SLC25A36: variants seen among roughly 807,000 people sequenced by gnomAD.
SLC25A36 encodes epididymis secretory sperm binding protein.
In SLC25A36, 24 loss-of-function variants were observed where a neutral mutation model predicts 35.3. That is an observed-to-expected ratio of 0.68 (90% CI 0.49 to 0.96). The LOEUF is 0.96. SLC25A36 is among the 40% of genes least tolerant of loss of function. The pLI is 0.00. For synonymous variants in SLC25A36, 141 were observed against 132.2 expected (o/e 1.07, Z -0.46); for missense variants, 294 against 381.1 (o/e 0.77, Z 1.90).
chr3:140,943,616 A>C (rs756300960), intron 1 of SLC25A36, among the ~76,000 whole-genome samples: 1 of 152,246 alleles, frequency 6.6e-6, no homozygotes, highest in Non-Finnish European at 1.5e-5. Context: ...AGGAGACCGC[A>C]GATGTAGTCT....
chr3:140,968,063 T>C (rs1359622717), intron 4 of SLC25A36: 1 of 985,026 alleles, frequency 1.0e-6, no homozygotes, highest in East Asian at 1.1e-4. Flanking sequence ...AAGATATGTT[T>C]AGCTTGGGCT....
chr3:140,962,864 A>C (rs1934664764), intron 3 of SLC25A36, among the ~76,000 whole-genome samples: 1 of 151,884 alleles, frequency 6.6e-6, no homozygotes, highest in Non-Finnish European at 1.5e-5. Context: ...TTAGTGAGTT[A>C]AGTGGCTGTC....
At chr3:140,969,591 A>AC (rs1934849794) in intron 4 of SLC25A36, among the ~76,000 whole-genome samples, 1 of 151,908 alleles carries the variant, frequency 6.6e-6, no homozygotes, top group African/African-American at 2.4e-5. Context: ...CAATGTTAAA[A>AC]CAGTGGGTTG....
intron 3 of SLC25A36, among the ~76,000 whole-genome samples, chr3:140,960,092 G>A (rs2107798236): frequency 6.6e-6 from 1 of 152,134 alleles, no homozygotes; most frequent in Non-Finnish European, 1.5e-5. Context: ...ACTAATATTT[G>A]CAGGATAAAT....
intron 2 of SLC25A36, among the ~76,000 whole-genome samples, chr3:140,958,209 A>G (rs34605552): frequency 0.14 from 20,878 of 152,146 alleles, 2,395 homozygotes; most frequent in African/African-American, 0.32. Context: ...TCTTAAGCAG[A>G]TAGATGTTTG....
chr3:140,946,702 G>A (rs974580108), intron 1 of SLC25A36, among the ~76,000 whole-genome samples: 1 of 152,190 alleles, frequency 6.6e-6, no homozygotes, highest in Admixed American at 6.5e-5. Flanking sequence ...CTGGAAGGGT[G>A]GAATTGCTGT....
chr3:140,958,347 T>C (rs1576481403), intron 2 of SLC25A36, among the ~76,000 whole-genome samples: 1 of 152,324 alleles, frequency 6.6e-6, no homozygotes, highest in Non-Finnish European at 1.5e-5. Context: ...TACACATGGC[T>C]CTGTTCCTTT....
intron 4 of SLC25A36, chr3:140,964,824 C>T (rs1233559646): frequency 6.6e-6 from 1 of 151,646 alleles, no homozygotes; most frequent in Non-Finnish European, 1.5e-5. Flanking sequence ...TCTTTATTTC[C>T]ACTGGAACAT....
intron 2 of SLC25A36, among the ~76,000 whole-genome samples, chr3:140,957,374 G>A (rs1934505676): frequency 1.3e-5 from 2 of 152,110 alleles, no homozygotes; most frequent in South Asian, 2.1e-4. Context: ...TTACTAAAAG[G>A]TTTCATCAGC....
intron 1 of SLC25A36, among the ~76,000 whole-genome samples, chr3:140,947,518 T>TTACA (rs1934199726): frequency 6.6e-6 from 1 of 152,180 alleles, no homozygotes; most frequent in Non-Finnish European, 1.5e-5. Flanking sequence ...CCAGTCTTGG[T>TTACA]TACACTGTGC....
intron 4 of SLC25A36, 136 bp downstream of exon 4, chr3:140,963,363 TA>T: frequency 1.7e-6 from 1 of 596,176 alleles, no homozygotes; most frequent in Non-Finnish European, 2.8e-6. Flanking sequence ...TTTATCGATA[TA>T]AACCAAATTA....
Position 140,978,221 on chromosome 3 carries a change from C to A in SLC25A36, c.*1768C>A, listed in dbSNP as rs1487930167. 1.3e-5 allele frequency: 2 copies of A among 152,138 alleles called. No individual in the cohort carries two copies. The highest frequency in any genetic ancestry group is 4.8e-5 in the African/African-American group (2 of 41,430). The allele number at this position is 152,138 out of a possible 1,614,324, so 9.4% of individuals were successfully genotyped here. ...TCAATTGGAATAAAAATATTCCAAT[C>A]TATTTGGAGACCAAAGGCAAAATCA... On this transcript the variant is annotated 3_prime_UTR_variant, in exon 7 of 7. Transcript: ENST00000324194.
intron 3 of SLC25A36, 139 bp from the exon 4 acceptor site, chr3:140,962,988 A>G: frequency 2.1e-6 from 1 of 477,016 alleles, no homozygotes; most frequent in Non-Finnish European, 3.6e-6. Flanking sequence ...TGAAAAGTGT[A>G]AATCTAATGT....
rs1935156715 is a variant in SLC25A36 at position 140,980,554 on chromosome 3, TGTG to T, written c.*4102_*4104del. On this transcript the variant is annotated 3_prime_UTR_variant, in exon 7 of 7. Coordinates refer to ENST00000324194, the MANE Select transcript of SLC25A36 (RefSeq NM_001104647.3). The stretch of plus-strand genomic sequence containing the variant: ...AAAATTGAGCACAGGTGTTCCAAGT[TGTG>T]TGTGTGTGTTTATTACTGAACATTG... Among the ~76,000 whole-genome samples the T allele has an allele frequency of 6.9e-6, 1 of 145,204 alleles. No homozygotes were observed. The highest frequency in any genetic ancestry group is 1.5e-5 in the Non-Finnish European group (1 of 67,940).
intron 3 of SLC25A36, among the ~76,000 whole-genome samples, chr3:140,961,448 G>A (rs1934623837): frequency 6.6e-6 from 1 of 151,810 alleles, no homozygotes; most frequent in Non-Finnish European, 1.5e-5. Flanking sequence ...TATAAACAAT[G>A]GTTCAGTAAA....
intron 1 of SLC25A36, among the ~76,000 whole-genome samples, chr3:140,946,237 GA>G (rs1479151859): frequency 6.6e-6 from 1 of 152,124 alleles, no homozygotes; most frequent in Non-Finnish European, 1.5e-5. Flanking sequence ...GTACTAAATC[GA>G]ATGATGATGA....
chr3:140,941,935 A>G lies in SLC25A36; in HGVS notation c.-120A>G. On this transcript the variant is annotated 5_prime_UTR_variant, in exon 1 of 7. Transcript: ENST00000324194. ...TGCTTTCTGCAGCCGCATCTCGGCC[A>G]GCTCTCCTCGCCGTCCCCGGGGCGC... 1 of 591,090 alleles carries G rather than the reference A, an allele frequency of 1.7e-6. No individual in the cohort carries two copies. Among genetic ancestry groups the G allele is most frequent in the Admixed American group, 3.8e-5 (1 of 26,484 alleles). The allele number at this position is 591,090 out of a possible 1,614,324, so 36.6% of individuals were successfully genotyped here. A position where few individuals can be genotyped will look rare whatever the true frequency, so the allele number is the denominator to read the frequency against.
intron 2 of SLC25A36, among the ~76,000 whole-genome samples, chr3:140,958,960 T>TG (rs1491268962): frequency 1.6e-4 from 18 of 112,634 alleles, no homozygotes; most frequent in Non-Finnish European, 1.9e-4. Context: ...AAACAATGTT[T>TG]TGTGTGTGTG....
chr3:140,949,066 C>T (rs571547340), intron 1 of SLC25A36, among the ~76,000 whole-genome samples: 1 of 152,288 alleles, frequency 6.6e-6, no homozygotes, highest in African/African-American at 2.4e-5. Context: ...CTTGTTTGCA[C>T]AGGGTTGTTT....
Sources: gnomAD v4.1 joint callset for allele counts (sites outside exome capture counted in the v4.1 genomes callset) on GRCh38, gnomAD v4.1.1 for gene constraint, MANE v1.5 for transcripts, NCBI Gene and HGNC (gene_info 2026-07-23, HGNC 2026-07-21) for gene names.